SRPK2: variants seen among roughly 807,000 people sequenced by gnomAD.
The protein encoded by SRPK2 is SFRS protein kinase 2.
A neutral mutation model predicts 90.8 loss-of-function variants in SRPK2; 21 were observed. The ratio of observed to expected loss-of-function variants is 0.23; its 90% CI spans 0.16 to 0.33. The LOEUF is 0.33. SRPK2 is among the 10% of genes least tolerant of loss of function. SRPK2 has a pLI of 1.00. For missense variants in SRPK2, 620 were observed against 869.0 expected (o/e 0.71, Z 3.60); for synonymous variants, 288 against 311.1 (o/e 0.93, Z 0.78).
chr7:105,165,883 C>T (rs1426369934), intron 6 of SRPK2, among the ~76,000 whole-genome samples: 1 of 152,228 alleles, frequency 6.6e-6, no homozygotes, highest in Non-Finnish European at 1.5e-5. Context: ...CTGTAACACT[C>T]ACCATGAGGG....
intron 2 of SRPK2, among the ~76,000 whole-genome samples, chr7:105,336,317 T>C (rs1259461882): frequency 6.6e-6 from 1 of 152,236 alleles, no homozygotes; most frequent in East Asian, 1.9e-4. Context: ...AAATGGTGGC[T>C]TGACTTTTGA....
chr7:105,163,624 G>A (rs569881129), intron 6 of SRPK2, among the ~76,000 whole-genome samples: 51 of 151,982 alleles, frequency 3.4e-4, no homozygotes, highest in African/African-American at 1.1e-3. Flanking sequence ...GAGAAATCCC[G>A]TCTCTAAAAA....
chr7:105,398,244 G>A (rs942723901), intron 1 of SRPK2, among the ~76,000 whole-genome samples: 1 of 152,020 alleles, frequency 6.6e-6, no homozygotes, highest in Middle Eastern at 3.2e-3. Context: ...AAAACCAATT[G>A]GATTATGATA....
chr7:105,275,687 T>C (rs1806393199), intron 2 of SRPK2, among the ~76,000 whole-genome samples: 2 of 151,964 alleles, frequency 1.3e-5, no homozygotes, highest in African/African-American at 4.8e-5. Flanking sequence ...TGATGAGGAG[T>C]AGCAGATTAC....
At chr7:105,180,108 A>T (rs944831477) in intron 3 of SRPK2, among the ~76,000 whole-genome samples, 1 of 152,208 alleles carries the variant, frequency 6.6e-6, no homozygotes, top group Non-Finnish European at 1.5e-5. Flanking sequence ...AAAAAAGCCC[A>T]AATAGCCAAG....
At chr7:105,152,865 C>A (rs944792601) in intron 7 of SRPK2, among the ~76,000 whole-genome samples, 3 of 152,112 alleles carry the variant, frequency 2.0e-5, no homozygotes, top group Non-Finnish European at 1.5e-5. Context: ...GAAACCCCAT[C>A]TCTACTAAAA....
intron 2 of SRPK2, chr7:105,297,495 T>C: frequency 1.0e-6 from 1 of 985,388 alleles, no homozygotes; most frequent in Non-Finnish European, 1.2e-6. Flanking sequence ...CCCTCAGATG[T>C]ATCAACATCC....
At chr7:105,243,592 T>C (rs958353350) in intron 2 of SRPK2, among the ~76,000 whole-genome samples, 9 of 143,782 alleles carry the variant, frequency 6.3e-5, no homozygotes, top group African/African-American at 2.1e-4. Flanking sequence ...GACCGCACCA[T>C]TGCACTCCAG....
intron 2 of SRPK2, among the ~76,000 whole-genome samples, chr7:105,353,502 G>GTTT (rs1439304214): frequency 3.0e-5 from 3 of 98,424 alleles, no homozygotes; most frequent in Non-Finnish European, 6.9e-5. Context: ...ATCCAGCCCA[G>GTTT]TTTGTTGTTG....
chr7:105,351,302 G>A (rs551030302), intron 2 of SRPK2, among the ~76,000 whole-genome samples: 5 of 152,056 alleles, frequency 3.3e-5, no homozygotes, highest in Admixed American at 2.6e-4. Context: ...GGCCTTCCCA[G>A]CATGCAGAAC....
intron 2 of SRPK2, among the ~76,000 whole-genome samples, chr7:105,367,803 A>G (rs1819245238): frequency 6.6e-6 from 1 of 152,210 alleles, no homozygotes; most frequent in African/African-American, 2.4e-5. Context: ...GCTAGCATCT[A>G]CAAATATTTT....
At chr7:105,239,967 A>T (rs1441761531) in intron 2 of SRPK2, among the ~76,000 whole-genome samples, 1 of 152,186 alleles carries the variant, frequency 6.6e-6, no homozygotes, top group African/African-American at 2.4e-5. Flanking sequence ...CCACTGATCA[A>T]ATTCTACTTA....
chr7:105,191,983 G>A (rs564797435), intron 3 of SRPK2, among the ~76,000 whole-genome samples: 1 of 151,240 alleles, frequency 6.6e-6, no homozygotes, highest in East Asian at 1.9e-4. Flanking sequence ...CAGAGTGCTA[G>A]GATTACAGGT....
chr7:105,194,520 G>A (rs1041007229), intron 3 of SRPK2, among the ~76,000 whole-genome samples: 2 of 152,174 alleles, frequency 1.3e-5, no homozygotes, highest in African/African-American at 4.8e-5. Context: ...AGGCCACGTG[G>A]TTGGTGCATA....
At chr7:105,260,141 A>G (rs971072251) in intron 2 of SRPK2, among the ~76,000 whole-genome samples, 2 of 152,242 alleles carry the variant, frequency 1.3e-5, no homozygotes. Flanking sequence ...TACCCATCTG[A>G]CAAAGGGCTA....
chr7:105,229,342 T>TA (rs1371255995), intron 2 of SRPK2, among the ~76,000 whole-genome samples: 3 of 151,940 alleles, frequency 2.0e-5, no homozygotes, highest in Admixed American at 2.0e-4. Context: ...CGGGCGCCTG[T>TA]AGTCCCAGCT....
intron 2 of SRPK2, among the ~76,000 whole-genome samples, chr7:105,291,256 T>C (rs573915549): frequency 2.0e-5 from 3 of 152,316 alleles, no homozygotes; most frequent in African/African-American, 7.2e-5. Flanking sequence ...GATATGTCAC[T>C]TTTAAGTAGG....
At chr7:105,228,553 G>C (rs1374817312) in intron 2 of SRPK2, among the ~76,000 whole-genome samples, 1 of 152,174 alleles carries the variant, frequency 6.6e-6, no homozygotes, top group African/African-American at 2.4e-5. Context: ...GGGCGCAGTG[G>C]CTCACGCCTG....
intron 3 of SRPK2, among the ~76,000 whole-genome samples, chr7:105,184,865 C>T (rs1260115176): frequency 6.6e-6 from 1 of 152,146 alleles, no homozygotes; most frequent in African/African-American, 2.4e-5. Context: ...TTTATCTAGG[C>T]TGCAATGTTT....
Sources: gnomAD v4.1 joint callset for allele counts (sites outside exome capture counted in the v4.1 genomes callset) on GRCh38, gnomAD v4.1.1 for gene constraint, MANE v1.5 for transcripts, NCBI Gene and HGNC (gene_info 2026-07-23, HGNC 2026-07-21) for gene names.